KCND3: variants seen among roughly 807,000 people sequenced by gnomAD.
KCND3 encodes the protein potassium voltage-gated channel subfamily D member 3.
KCND3 carries 9 observed loss-of-function variants against 51.1 expected under a neutral mutation model. The observed-to-expected ratio is 0.18, with a 90% CI of 0.11 to 0.31. The LOEUF (loss-of-function observed/expected upper bound fraction) is 0.31. Among genes scored for constraint, KCND3 ranks in the 10% least tolerant of loss-of-function variants. The probability of loss-of-function intolerance (pLI) is 1.00; values close to 1 mark genes in which losing one functional copy is unlikely to be tolerated. For missense variants in KCND3, 526 were observed against 903.8 expected, an observed-to-expected ratio of 0.58 and a Z score of 5.36; for synonymous variants, 349 against 368.0, an observed-to-expected ratio of 0.95 and a Z score of 0.59.
intron 3 of KCND3, among the ~76,000 whole-genome samples, chr1:111,785,794 C>A (rs1664576895): frequency 6.6e-6 from 1 of 152,116 alleles, no homozygotes; most frequent in Non-Finnish European, 1.5e-5. Context: ...AAGGCAAGCC[C>A]TGCTACCTGG....
At chr1:111,825,215 G>T (rs918147933) in intron 2 of KCND3, among the ~76,000 whole-genome samples, 1 of 152,178 alleles carries the variant, frequency 6.6e-6, no homozygotes, top group Admixed American at 6.5e-5. Flanking sequence ...GGAAGTGGTG[G>T]ACTAGGCTGG....
At chr1:111,910,757 C>T (rs1182262204) in intron 2 of KCND3, 1 of 152,200 alleles carries the variant, frequency 6.6e-6, no homozygotes, top group African/African-American at 2.4e-5. Flanking sequence ...TTCTAGAGGT[C>T]TCCTAACAAG....
Position 111,795,611 on chromosome 1 carries a change from G to A in KCND3, c.1107-8505C>T, listed in dbSNP as rs118112489. Among the ~76,000 whole-genome samples the A allele has an allele frequency of 2.0e-4, 31 of 152,326 alleles. No individual in the cohort carries two copies. The East Asian group carries it at 5.6e-3, about 27-fold the overall frequency. On this transcript the variant is annotated intron_variant, in intron 2 of 7. Transcript: ENST00000302127. ...GCGTTCTGCTTTCTCGCTGGAGGAG[G>A]AGAGGAATGAGCTGAAGACCTGGCT...
At chr1:111,944,259 G>T (rs551721589) in intron 2 of KCND3, among the ~76,000 whole-genome samples, 55 of 152,242 alleles carry the variant, frequency 3.6e-4, no homozygotes, top group South Asian at 1.2e-3. Context: ...AGAGTGGGGC[G>T]CAGGCCACAA....
chr1:111,978,787 C>A (rs1674783880), intron 2 of KCND3, among the ~76,000 whole-genome samples: 1 of 152,126 alleles, frequency 6.6e-6, no homozygotes, highest in South Asian at 2.1e-4. Flanking sequence ...CTAGAAGGGA[C>A]TGAGAATAGT....
intron 3 of KCND3, among the ~76,000 whole-genome samples, chr1:111,786,600 T>A (rs558457528): frequency 6.6e-6 from 1 of 152,304 alleles, no homozygotes; most frequent in African/African-American, 2.4e-5. Flanking sequence ...AAAAAGAGAT[T>A]ATGTTTCCTA....
intron 2 of KCND3, among the ~76,000 whole-genome samples, chr1:111,930,702 A>G (rs1671926417): frequency 6.6e-6 from 1 of 151,900 alleles, no homozygotes; most frequent in Non-Finnish European, 1.5e-5. Context: ...CCTGTGCTGA[A>G]TCATCATGTA....
intron 2 of KCND3, among the ~76,000 whole-genome samples, chr1:111,945,032 A>G (rs1232038916): frequency 6.6e-6 from 1 of 152,122 alleles, no homozygotes; most frequent in African/African-American, 2.4e-5. Flanking sequence ...TCCTCAACAG[A>G]TATTTGAGGA....
At chr1:111,935,381 C>G (rs1409565485) in intron 2 of KCND3, among the ~76,000 whole-genome samples, 1 of 152,122 alleles carries the variant, frequency 6.6e-6, no homozygotes, top group African/African-American at 2.4e-5. Context: ...ACCTGCTTCC[C>G]TTACTCCCAG....
chr1:111,849,453 G>A (rs1167522403), intron 2 of KCND3, among the ~76,000 whole-genome samples: 1 of 152,208 alleles, frequency 6.6e-6, no homozygotes, highest in South Asian at 2.1e-4. Context: ...AGGACTCAAG[G>A]AATCCCACCT....
chr1:111,835,424 G>C (rs1667026216), intron 2 of KCND3, among the ~76,000 whole-genome samples: 1 of 152,162 alleles, frequency 6.6e-6, no homozygotes, highest in African/African-American at 2.4e-5. Flanking sequence ...AGACCTACTG[G>C]ACTGCATTCC....
intron 2 of KCND3, among the ~76,000 whole-genome samples, chr1:111,845,611 C>T (rs940133638): frequency 2.6e-5 from 4 of 152,206 alleles, no homozygotes; most frequent in African/African-American, 9.7e-5. Flanking sequence ...GGAGTCATCC[C>T]TGACTTGTTG....
At chr1:111,917,985 C>T (rs1671301570) in intron 2 of KCND3, among the ~76,000 whole-genome samples, 1 of 152,176 alleles carries the variant, frequency 6.6e-6, no homozygotes, top group African/African-American at 2.4e-5. Context: ...TGAGGATTTG[C>T]CTCTTTGCTT....
chr1:111,843,075 C>T (rs970766531), intron 2 of KCND3, among the ~76,000 whole-genome samples: 1 of 152,216 alleles, frequency 6.6e-6, no homozygotes, highest in Non-Finnish European at 1.5e-5. Context: ...TTCTGCATTG[C>T]TTTCATTGTC....
In KCND3 at chr1:111,962,770, G is replaced by A. The variant is rs188132587; in HGVS notation, c.1106+18851C>T. On this transcript the variant is annotated intron_variant, in intron 2 of 7. Coordinates refer to ENST00000302127, the MANE Select transcript of KCND3 (RefSeq NM_001378969.1). The stretch of plus-strand genomic sequence containing the variant: ...CATCCCTTTGTATTTATACCACTGC[G>A]CAATGTGATGTTGCTGCTTCTCCTC... Among the ~76,000 whole-genome samples the A allele has an allele frequency of 3.6e-3, 545 of 152,254 alleles. 3 individuals are homozygous for A. Among genetic ancestry groups the A allele is most frequent in the African/African-American group, 0.013 (529 of 41,528 alleles).
At chr1:111,950,009 C>T (rs9429616) in intron 2 of KCND3, among the ~76,000 whole-genome samples, 5 of 152,132 alleles carry the variant, frequency 3.3e-5, no homozygotes, top group East Asian at 1.9e-4. Flanking sequence ...CTCCCGGGTT[C>T]GAGCAGTTCT....
At chr1:111,881,178 C>A (rs1386055272) in intron 2 of KCND3, among the ~76,000 whole-genome samples, 1 of 152,246 alleles carries the variant, frequency 6.6e-6, no homozygotes, top group African/African-American at 2.4e-5. Context: ...ATCAAACACA[C>A]TCCTGTCTCC....
At chr1:111,912,365 TAAAC>T (rs990592877) in intron 2 of KCND3, among the ~76,000 whole-genome samples, 8 of 152,368 alleles carry the variant, frequency 5.3e-5, no homozygotes, top group African/African-American at 1.9e-4. Flanking sequence ...GATGCTGGTA[TAAAC>T]AAACCCACTG....
At chr1:111,810,419 G>T (rs1665794023) in intron 2 of KCND3, among the ~76,000 whole-genome samples, 1 of 152,210 alleles carries the variant, frequency 6.6e-6, no homozygotes, top group African/African-American at 2.4e-5. Context: ...CCCCATTCTG[G>T]TGCTCCATCC....
Sources: gnomAD v4.1 joint callset for allele counts (sites outside exome capture counted in the v4.1 genomes callset) on GRCh38, gnomAD v4.1.1 for gene constraint, MANE v1.5 for transcripts, NCBI Gene and HGNC (gene_info 2026-07-23, HGNC 2026-07-21) for gene names.